The following MEF2A variants were observed in gnomAD, a reference collection of about 807,000 sequenced individuals.
MEF2A encodes myocyte-specific enhancer factor 2A.
MEF2A carries 28 observed loss-of-function variants against 55.8 expected under a neutral mutation model. The observed-to-expected ratio is 0.50, with a 90% CI of 0.37 to 0.69. The LOEUF (loss-of-function observed/expected upper bound fraction) is 0.69. Among genes scored for constraint, MEF2A ranks in the 30% least tolerant of loss-of-function variants. MEF2A has a pLI of 0.00. For synonymous variants in MEF2A, 239 were observed against 227.1 expected, an observed-to-expected ratio of 1.05 and a Z score of -0.47; for missense variants, 528 against 626.2, an observed-to-expected ratio of 0.84 and a Z score of 1.67.
intron 2 of MEF2A, among the ~76,000 whole-genome samples, chr15:99,601,840 T>A (rs1973163817): frequency 1.5e-5 from 2 of 129,968 alleles, no homozygotes; most frequent in African/African-American, 5.3e-5. Context: ...TGTGTGTGTG[T>A]GTGTGTGTGT....
chr15:99,681,104 A>G (rs964408952), intron 7 of MEF2A, among the ~76,000 whole-genome samples: 4 of 152,328 alleles, frequency 2.6e-5, no homozygotes, highest in Admixed American at 1.3e-4. Flanking sequence ...TTAAAATATC[A>G]AGCATAAAAT....
At chr15:99,618,110 A>C (rs1415811884) in intron 2 of MEF2A, among the ~76,000 whole-genome samples, 1 of 152,196 alleles carries the variant, frequency 6.6e-6, no homozygotes, top group African/African-American at 2.4e-5. Context: ...AAAACATACT[A>C]ATCTTTGCTT....
intron 2 of MEF2A, among the ~76,000 whole-genome samples, chr15:99,601,776 A>G (rs1973083419): frequency 6.6e-6 from 1 of 151,568 alleles, no homozygotes; most frequent in African/African-American, 2.4e-5. Flanking sequence ...CTACATTCAT[A>G]GAAGGCATTG....
chr15:99,613,002 A>C (rs532577881), intron 2 of MEF2A, among the ~76,000 whole-genome samples: 4 of 152,252 alleles, frequency 2.6e-5, no homozygotes, highest in African/African-American at 9.6e-5. Context: ...AAGGCCATAA[A>C]TGTGTGTATA....
intron 8 of MEF2A, among the ~76,000 whole-genome samples, chr15:99,699,379 C>T (rs1016093233): frequency 1.3e-5 from 2 of 152,112 alleles, no homozygotes. Context: ...TCACTGGCTG[C>T]CATGGGTTGG....
At chr15:99,689,595 C>G (rs971513976) in intron 7 of MEF2A, among the ~76,000 whole-genome samples, 3 of 152,186 alleles carry the variant, frequency 2.0e-5, no homozygotes, top group Non-Finnish European at 4.4e-5. Flanking sequence ...ATTCTCCTGC[C>G]TCAGCCTCCT....
intron 1 of MEF2A, among the ~76,000 whole-genome samples, chr15:99,593,349 C>T (rs11247116): frequency 0.38 from 57,779 of 151,922 alleles, 12,679 homozygotes; most frequent in Non-Finnish European, 0.49. Context: ...CCTCACAGTG[C>T]GGGGCTGTTC....
At chr15:99,612,071 T>G (rs2039356262) in intron 2 of MEF2A, among the ~76,000 whole-genome samples, 1 of 152,164 alleles carries the variant, frequency 6.6e-6, no homozygotes, top group Non-Finnish European at 1.5e-5. Flanking sequence ...ATAAAAATGT[T>G]CTATAATTAG....
chr15:99,710,819 T>TATCA (rs2058562855), intron 11 of MEF2A, 59 bp downstream of exon 11: 1 of 1,545,180 alleles, frequency 6.5e-7, no homozygotes, highest in Non-Finnish European at 8.8e-7. Flanking sequence ...TCTCTTTTCC[T>TATCA]ATCAGTGACA....
intron 3 of MEF2A, among the ~76,000 whole-genome samples, chr15:99,638,187 T>C (rs965212904): frequency 1.3e-5 from 2 of 152,218 alleles, no homozygotes; most frequent in Non-Finnish European, 2.9e-5. Flanking sequence ...TTTTATTCTC[T>C]TAGTACTTTG....
intron 1 of MEF2A, among the ~76,000 whole-genome samples, chr15:99,580,015 C>A (rs575274566): frequency 4.3e-4 from 65 of 152,206 alleles, no homozygotes; most frequent in African/African-American, 1.5e-3. Context: ...TTTGAAATTC[C>A]TTCCCTGTAG....
At chr15:99,684,403 A>G (rs1428101289) in intron 7 of MEF2A, among the ~76,000 whole-genome samples, 2 of 152,230 alleles carry the variant, frequency 1.3e-5, no homozygotes, top group African/African-American at 4.8e-5. Context: ...AAATATAGCT[A>G]TTCTTGCAGG....
At chr15:99,707,140 C>G (rs1034748249) in intron 10 of MEF2A, among the ~76,000 whole-genome samples, 1 of 152,176 alleles carries the variant, frequency 6.6e-6, no homozygotes, top group African/African-American at 2.4e-5. Context: ...TGACATGCAT[C>G]AAGCCAAGAG....
Position 99,716,139 on chromosome 15 carries a change from C to CTT in MEF2A, c.*3370_*3371dup, listed in dbSNP as rs1377223503. On this transcript the variant is annotated 3_prime_UTR_variant, in exon 12 of 12. Coordinates refer to ENST00000557942, the MANE Select transcript of MEF2A (RefSeq NM_001319206.4). ...TATTTCTCTGTAGAAACTTTCTTCA[C>CTT]TTTGCTGTGCAAGAAGACACTGCTT... 1 of 158,372 alleles carries CTT rather than the reference C, an allele frequency of 6.3e-6. No individual in the cohort carries two copies. The highest frequency in any genetic ancestry group is 2.4e-5 in the African/African-American group (1 of 41,536). The allele number at this position is 158,372 out of a possible 1,614,324, so 9.8% of individuals were successfully genotyped here. A position where few individuals can be genotyped will look rare whatever the true frequency, so the allele number is the denominator to read the frequency against.
Position 99,671,355 on chromosome 15 carries a change from G to C in MEF2A, c.291G>C (p.Glu97Asp). 1 of 1,612,502 alleles carries C rather than the reference G, an allele frequency of 6.2e-7. No homozygotes were observed. Among genetic ancestry groups the C allele is most frequent in the Non-Finnish European group, 8.5e-7 (1 of 1,178,716 alleles). The change falls in exon 5 of 12, where the codon GAG becomes GAC. Residue 97 changes from glutamate (E) to aspartate (D), a missense_variant. Physicochemically the swap from Glu to Asp is conservative, Grantham distance 45. Around this residue, in one of 2 missense-constraint regions of MEF2A, gnomAD observed 78 missense variants for 150.9 expected, o/e 0.52. Transcript: ENST00000557942. The part of the protein sequence containing the change: ...TLRKKGLNGC[E>D]SPDADDYFEH... ...GAAAGAAAGGCCTTAATGGTTGTGA[G>C]AGCCCTGATGCTGACGATTACTTTG...
intron 4 of MEF2A, among the ~76,000 whole-genome samples, chr15:99,661,743 G>A (rs2048677761): frequency 6.6e-6 from 1 of 151,848 alleles, no homozygotes; most frequent in African/African-American, 2.4e-5. Flanking sequence ...TATAACTGAA[G>A]ATCCACATGT....
chr15:99,684,099 C>G (rs372413234), intron 7 of MEF2A, among the ~76,000 whole-genome samples: 3 of 152,054 alleles, frequency 2.0e-5, no homozygotes, highest in African/African-American at 2.4e-5. Context: ...ATATATATTA[C>G]GTTTTCTGTA....
At chr15:99,709,625 T>C (rs1209236158) in intron 10 of MEF2A, among the ~76,000 whole-genome samples, 1 of 152,200 alleles carries the variant, frequency 6.6e-6, no homozygotes, top group Non-Finnish European at 1.5e-5. Flanking sequence ...TAAACACCTC[T>C]CTTGAGACAT....
intron 2 of MEF2A, 49 bp from the exon 3 acceptor site, chr15:99,632,929 A>T: frequency 6.1e-6 from 3 of 490,516 alleles, no homozygotes; most frequent in Non-Finnish European, 1.1e-5. Context: ...CACTTACATG[A>T]TTTGTAAACT....
Sources: gnomAD v4.1 joint callset for allele counts (sites outside exome capture counted in the v4.1 genomes callset) on GRCh38, gnomAD v4.1.1 for gene constraint, gnomAD v4.1.1 regional missense constraint, MANE v1.5 for transcripts, NCBI Gene and HGNC (gene_info 2026-07-23, HGNC 2026-07-21) for gene names.